The following RASA2 variants were observed in gnomAD, a reference collection of about 807,000 sequenced individuals.
RASA2 encodes the protein ras GTPase-activating protein 2.
RASA2 carries 155 observed loss-of-function variants against 118.2 expected under a neutral mutation model. That is an observed-to-expected ratio of 1.31 (90% CI 1.15 to 1.50). The LOEUF (loss-of-function observed/expected upper bound fraction) is 1.50. RASA2 is among the 40% of genes most tolerant of loss of function. The pLI is 0.00. For synonymous variants in RASA2, 353 were observed against 349.1 expected, an observed-to-expected ratio of 1.01 and a Z score of -0.12; for missense variants, 1,016 against 1,009.6, an observed-to-expected ratio of 1.01 and a Z score of -0.09.
intron 19 of RASA2, among the ~76,000 whole-genome samples, chr3:141,599,494 T>C (rs2083430515): frequency 6.6e-6 from 1 of 152,168 alleles, no homozygotes. Flanking sequence ...TCTAGTGTAT[T>C]AAAAAATGAC....
intron 4 of RASA2, among the ~76,000 whole-genome samples, chr3:141,534,813 T>C (rs1313281991): frequency 6.6e-6 from 1 of 152,170 alleles, no homozygotes; most frequent in Non-Finnish European, 1.5e-5. Context: ...TCATATTAAA[T>C]ACTTCTTTAA....
chr3:141,580,085 A>AATATATATATATATAT (rs1207351331), intron 15 of RASA2, among the ~76,000 whole-genome samples: 5 of 59,588 alleles, frequency 8.4e-5, no homozygotes, highest in Admixed American at 5.0e-4. Context: ...AAAAAAAAAA[A>AATATATATATATATAT]ATATATATAT....
intron 4 of RASA2, among the ~76,000 whole-genome samples, chr3:141,539,426 C>G (rs1312898415): frequency 6.6e-6 from 1 of 152,174 alleles, no homozygotes; most frequent in African/African-American, 2.4e-5. Flanking sequence ...TCATCTAACC[C>G]TGAGCTTTGT....
rs543927691 is a variant in RASA2, at chr3:141,573,838, T to C, written c.1360-106T>C. The C allele has an allele frequency of 2.3e-5, 22 of 945,806 alleles. No homozygotes were observed. The African/African-American group carries it at 3.2e-4, about 14-fold the overall frequency. The allele number at this position is 945,806 out of a possible 1,614,324, so 58.6% of individuals were successfully genotyped here. A position where few individuals can be genotyped will look rare whatever the true frequency, so the allele number is the denominator to read the frequency against. ...TAACAGTACTTTAAAAAATGTTAGA[T>C]AGTGACTGTCTAATAAACCTCATTT... is the stretch of plus-strand genomic sequence containing the variant. On this transcript the variant is annotated intron_variant, in intron 13 of 23. Transcript: ENST00000286364.
At position 141,562,040 on chromosome 3, in the gene RASA2, C is replaced by T. The variant is rs1255069327; in HGVS notation, c.863+2045C>T. Among the ~76,000 whole-genome samples, 3 of 152,060 alleles carry T rather than the reference C, an allele frequency of 2.0e-5. 1 individual carries two copies. The highest frequency in any genetic ancestry group is 6.8e-3 in the Middle Eastern group (2 of 294). ...TGATCTCGGCTCACTGCAACCTCCACCTCCCGGGTTCAAGTGATTCTCCTG... is the reference window on the plus strand; with the variant it reads ...TGATCTCGGCTCACTGCAACCTCCATCTCCCGGGTTCAAGTGATTCTCCTG... On this transcript the variant is annotated intron_variant, in intron 9 of 23. Coordinates refer to ENST00000286364, the MANE Select transcript of RASA2 (RefSeq NM_006506.5).
chr3:141,529,862 C>A (rs1366449769), intron 4 of RASA2, 60 bp downstream of exon 4: 9 of 1,266,028 alleles, frequency 7.1e-6, no homozygotes, highest in African/African-American at 1.5e-5. Context: ...AAAAAATGAA[C>A]TAATTAAACT....
chr3:141,526,481 T>C (rs2082186709), intron 3 of RASA2, among the ~76,000 whole-genome samples: 1 of 152,162 alleles, frequency 6.6e-6, no homozygotes, highest in South Asian at 2.1e-4. Context: ...CCCTCTTCCC[T>C]GTTTTATTCC....
intron 2 of RASA2, among the ~76,000 whole-genome samples, chr3:141,512,738 T>A (rs985235944): frequency 6.6e-6 from 1 of 151,914 alleles, no homozygotes; most frequent in Non-Finnish European, 1.5e-5. Flanking sequence ...TAGTGCAGAG[T>A]TGTGCTGAGA....
intron 17 of RASA2, among the ~76,000 whole-genome samples, chr3:141,583,473 T>G (rs567810756): frequency 3.5e-4 from 54 of 152,176 alleles, no homozygotes; most frequent in African/African-American, 1.3e-3. Flanking sequence ...TGCTAACAAA[T>G]CAGTGACTTC....
At chr3:141,490,263 C>T (rs1256916092) in intron 1 of RASA2, among the ~76,000 whole-genome samples, 2 of 147,648 alleles carry the variant, frequency 1.4e-5, no homozygotes, top group African/African-American at 5.0e-5. Flanking sequence ...ATTCTTCGGT[C>T]TGCACTCCTG....
At chr3:141,581,207 T>C in intron 17 of RASA2, 30 bp downstream of exon 17, 2 of 1,376,326 alleles carry the variant, frequency 1.5e-6, no homozygotes, top group Non-Finnish European at 1.9e-6. Context: ...GAATTGTTAA[T>C]ATTTATTTCA....
At chr3:141,521,291 G>T (rs2082107704) in intron 3 of RASA2, among the ~76,000 whole-genome samples, 1 of 152,110 alleles carries the variant, frequency 6.6e-6, no homozygotes, top group South Asian at 2.1e-4. Flanking sequence ...GATAGATAAG[G>T]CATATCAGGA....
intron 17 of RASA2, 89 bp from the exon 18 acceptor site, chr3:141,585,936 C>T: frequency 1.0e-6 from 1 of 953,560 alleles, no homozygotes; most frequent in African/African-American, 1.7e-5. Flanking sequence ...GAAGAACTTC[C>T]CATTATAATT....
At chr3:141,492,629 T>C (rs2081652338) in intron 1 of RASA2, among the ~76,000 whole-genome samples, 2 of 152,260 alleles carry the variant, frequency 1.3e-5, no homozygotes, top group Non-Finnish European at 1.5e-5. Context: ...GATATGGTCT[T>C]TAACATCCCT....
chr3:141,610,593 C>T (rs988195452), intron 23 of RASA2, among the ~76,000 whole-genome samples: 4 of 149,682 alleles, frequency 2.7e-5, no homozygotes, highest in African/African-American at 9.9e-5. Flanking sequence ...TGGGCTCAAG[C>T]GATCCTCCCA....
At position 141,571,134 on chromosome 3, in the gene RASA2, G is replaced by A. The variant is rs1294275073; in HGVS notation, c.1020+66G>A. The stretch of plus-strand genomic sequence containing the variant: ...GCTAAAATAATTCTATAAATGATAA[G>A]GAAAAGATTTCAAGAGTATCAAGTC... On this transcript the variant is annotated intron_variant, in intron 10 of 23. Transcript: ENST00000286364. 4 of 1,462,046 alleles carry A rather than the reference G, an allele frequency of 2.7e-6. No homozygotes were observed. In the African/African-American group the frequency reaches 5.8e-5, roughly 21 times the overall value. 90.6% of individuals were successfully genotyped at this position (1,462,046 alleles called of 1,614,324 possible). A position where few individuals can be genotyped will look rare whatever the true frequency, so the allele number is the denominator to read the frequency against.
chr3:141,578,355 C>T (rs1468068073), intron 15 of RASA2, among the ~76,000 whole-genome samples: 1 of 152,190 alleles, frequency 6.6e-6, no homozygotes, highest in Admixed American at 6.5e-5. Flanking sequence ...ATGTATCATT[C>T]CATGCTCAGT....
At position 141,572,659 on chromosome 3, in the gene RASA2, A is replaced by G; in HGVS notation, c.1220A>G (p.Asp407Gly). 1 of 1,613,670 alleles carries G rather than the reference A, an allele frequency of 6.2e-7. No homozygotes were observed. The highest frequency in any genetic ancestry group is 8.5e-7 in the Non-Finnish European group (1 of 1,179,746). Residue 407 changes from aspartate (D) to glycine (G), a missense_variant, in exon 12 of 24, where the codon GAT becomes GGT. Coordinates refer to ENST00000286364, the MANE Select transcript of RASA2 (RefSeq NM_006506.5). ...AATTCCCTGGCTACCCGATGTCTGG[A>G]TGAGATGATGAAAATAGTGGGAGGG... ...RGNSLATRCL[D>G]EMMKIVGGHY...
chr3:141,543,881 T>TC (rs2082443558), intron 5 of RASA2, among the ~76,000 whole-genome samples: 5 of 131,612 alleles, frequency 3.8e-5, no homozygotes, highest in African/African-American at 1.5e-4. Context: ...TTTTTCTTTT[T>TC]TTTTTTTTTT....
Sources: allele counts gnomAD v4.1 joint callset (sites outside exome capture counted in the v4.1 genomes callset), GRCh38; gene constraint gnomAD v4.1.1; transcripts MANE v1.5; gene names NCBI Gene and HGNC (gene_info 2026-07-23, HGNC 2026-07-21).